Variants in TAF1B observed in about 807,000 individuals in gnomAD.
The protein encoded by TAF1B is TATA box-binding protein-associated factor RNA polymerase I subunit B.
Under a neutral mutation model 83.9 loss-of-function variants are expected in TAF1B, and 61 were observed. The ratio of observed to expected loss-of-function variants is 0.73; its 90% CI spans 0.59 to 0.90. The LOEUF is 0.90. Among genes scored for constraint, TAF1B ranks in the 40% least tolerant of loss-of-function variants. The probability of loss-of-function intolerance (pLI) is 0.00; values close to 1 mark genes in which losing one functional copy is unlikely to be tolerated. For missense variants in TAF1B, 625 were observed against 677.0 expected, an observed-to-expected ratio of 0.92 and a Z score of 0.85; for synonymous variants, 221 against 224.6, an observed-to-expected ratio of 0.98 and a Z score of 0.14.
chr2:9,911,056 C>T, intron 10 of TAF1B, 143 bp downstream of exon 10: 1 of 674,338 alleles, frequency 1.5e-6, no homozygotes, highest in East Asian at 2.9e-5. Context: ...TATATGTTAT[C>T]TCAAAAAATG....
At chr2:9,927,205 CT>C (rs1412411488) in intron 14 of TAF1B, among the ~76,000 whole-genome samples, 5 of 152,100 alleles carry the variant, frequency 3.3e-5, no homozygotes, top group Admixed American at 2.6e-4. Flanking sequence ...TGAACTCATC[CT>C]TTTTTATAGC....
chr2:9,932,838 C>T (rs1410955736), intron 14 of TAF1B, among the ~76,000 whole-genome samples: 1 of 152,076 alleles, frequency 6.6e-6, no homozygotes, highest in East Asian at 1.9e-4. Flanking sequence ...CCGGTTTGAG[C>T]TTCCTGACCG....
chr2:9,904,935 A>T lies in TAF1B; in HGVS notation c.884A>T (p.Asp295Val), dbSNP rs1268759925. 6.2e-7 allele frequency: 1 copy of T among 1,612,472 alleles called. No homozygotes were observed. Among genetic ancestry groups the T allele is most frequent in the Non-Finnish European group, 8.5e-7 (1 of 1,178,620 alleles). ...TTTTTAGATTTGCCTCGTTTTCCAG[A>T]CATAACTGAAGACTGCTATCTTCAT... The part of the protein sequence containing the change: ...GTFLDLPRFP[D>V]ITEDCYLHPN... The change falls in exon 9 of 15, where the codon GAC becomes GTC. Residue 295 changes from aspartate (D) to valine (V), a missense_variant. Transcript: ENST00000263663.
At chr2:9,875,714 A>C in intron 6 of TAF1B, 151 bp from the exon 7 acceptor site, 1 of 753,638 alleles carries the variant, frequency 1.3e-6, no homozygotes, top group Non-Finnish European at 2.0e-6. Context: ...ACACGTGGGA[A>C]TTATGAGAAC....
intron 8 of TAF1B, among the ~76,000 whole-genome samples, chr2:9,888,964 C>T (rs1309532304): frequency 2.2e-5 from 3 of 133,922 alleles, no homozygotes; most frequent in Admixed American, 1.5e-4. Context: ...CCACCACACC[C>T]GGCTAATTTG....
chr2:9,854,918 G>A (rs1013832835), intron 5 of TAF1B, among the ~76,000 whole-genome samples: 7 of 152,222 alleles, frequency 4.6e-5, no homozygotes, highest in African/African-American at 1.7e-4. Context: ...TTATAAATGT[G>A]CCATGTAACA....
chr2:9,919,569 T>C (rs1665803531), intron 13 of TAF1B, 29 bp from the exon 14 acceptor site: 2 of 1,573,768 alleles, frequency 1.3e-6, no homozygotes, highest in Non-Finnish European at 1.7e-6. Context: ...TTACTTGTTA[T>C]TTTGTTTCCT....
Position 9,852,658 on chromosome 2 carries a change from A to G in TAF1B, c.303+1020A>G, listed in dbSNP as rs560897868. Among the ~76,000 whole-genome samples the G allele has an allele frequency of 3.3e-5, 5 of 152,048 alleles. No individual in the cohort carries two copies. In the South Asian group the frequency reaches 1.0e-3, roughly 32 times the overall value. ...AGGCACACACTGCTATACCCAGCTA[A>G]TTTTTTCTATTTTAGTATAGATGGG... On this transcript the variant is annotated intron_variant, in intron 4 of 14. Transcript: ENST00000263663.
chr2:9,849,623 A>G (rs1372445634), intron 3 of TAF1B, among the ~76,000 whole-genome samples, 163 bp downstream of exon 3: 1 of 152,164 alleles, frequency 6.6e-6, no homozygotes, highest in Non-Finnish European at 1.5e-5. Flanking sequence ...TTGTGGGTGA[A>G]TATTATTTCT....
chr2:9,850,025 A>ATG lies in TAF1B; in HGVS notation c.205+566_205+567insGT, dbSNP rs1214773230. Among the ~76,000 whole-genome samples, 226 of 119,064 alleles carry ATG rather than the reference A, an allele frequency of 1.9e-3. 2 individuals carry two copies. Among genetic ancestry groups the ATG allele is most frequent in the African/African-American group, 6.4e-3 (186 of 29,138 alleles). The allele number at this position is 119,064 out of a possible 152,430, so 78.1% of individuals were successfully genotyped here. A position where few individuals can be genotyped will look rare whatever the true frequency, so the allele number is the denominator to read the frequency against. ...CACACACATTAAAAAATATATATAT[A>ATG]TATGTGTGTGTGTGTGTGTGTGTGT... is the stretch of plus-strand genomic sequence containing the variant. On this transcript the variant is annotated intron_variant, in intron 3 of 14. Coordinates refer to ENST00000263663, the MANE Select transcript of TAF1B (RefSeq NM_005680.3).
At chr2:9,868,222 T>C in intron 5 of TAF1B, 54 bp from the exon 6 acceptor site, 1 of 1,450,190 alleles carries the variant, frequency 6.9e-7, no homozygotes, top group Non-Finnish European at 9.5e-7. Flanking sequence ...TTCACAGAAA[T>C]TAACTGTTTA....
In TAF1B at chr2:9,845,233, A is replaced by G; in HGVS notation, c.32A>G (p.Glu11Gly). 6.2e-7 allele frequency: 1 copy of G among 1,613,714 alleles called. No individual in the cohort carries two copies. Among genetic ancestry groups the G allele is most frequent in the South Asian group, 1.1e-5 (1 of 91,050 alleles). ...CTTCTCCCATAGGAAGAGTTTAAAG[A>G]ACGCTGTACTCAGTGTGCTGCTGTC... MDLEEAEEFKERCTQCAAVSW... is the reference protein window; with the variant it reads MDLEEAEEFKGRCTQCAAVSW... The change falls in exon 2 of 15, where the codon GAA becomes GGA. Residue 11 changes from glutamate (E) to glycine (G), a missense_variant. By Grantham distance (98) the Glu-to-Gly change is moderately conservative (BLOSUM62 -2). Coordinates refer to ENST00000263663, the MANE Select transcript of TAF1B (RefSeq NM_005680.3).
chr2:9,895,505 GA>G (rs35432881), intron 8 of TAF1B, among the ~76,000 whole-genome samples: 93,166 of 149,784 alleles, frequency 0.62, 28,827 homozygotes, highest in Admixed American at 0.7. Flanking sequence ...TGTCTCAAAA[GA>G]AAAAAAAAAA....
At chr2:9,862,949 A>T (rs1663828391) in intron 5 of TAF1B, among the ~76,000 whole-genome samples, 1 of 152,218 alleles carries the variant, frequency 6.6e-6, no homozygotes, top group South Asian at 2.1e-4. Flanking sequence ...AGGAAGCACT[A>T]AACATGGAAA....
chr2:9,875,483 G>A (rs1446573478), intron 6 of TAF1B, among the ~76,000 whole-genome samples: 1 of 152,172 alleles, frequency 6.6e-6, no homozygotes, highest in Non-Finnish European at 1.5e-5. Context: ...GAGGTTTAAT[G>A]GACTCACAGT....
intron 8 of TAF1B, among the ~76,000 whole-genome samples, chr2:9,904,416 G>C (rs116413277): frequency 8.5e-4 from 129 of 152,268 alleles, no homozygotes; most frequent in Non-Finnish European, 1.4e-3. Flanking sequence ...CTCCATCCCT[G>C]TCACTGCAAA....
chr2:9,912,181 C>T (rs1003425614), intron 11 of TAF1B, among the ~76,000 whole-genome samples: 2 of 152,054 alleles, frequency 1.3e-5, no homozygotes, highest in Non-Finnish European at 2.9e-5. Flanking sequence ...GAGTATCTGG[C>T]ATCTAATAAG....
At position 9,845,088 on chromosome 2, in the gene TAF1B, CAT is replaced by C. The variant is rs1663160905; in HGVS notation, c.19-129_19-128del. 2.0e-5 allele frequency: 11 copies of C among 539,886 alleles called. 1 individual carries two copies. In the South Asian group the frequency reaches 3.2e-4, roughly 15 times the overall value. The allele number at this position is 539,886 out of a possible 1,614,324, so 33.4% of individuals were successfully genotyped here. On this transcript the variant is annotated intron_variant, in intron 1 of 14. Coordinates refer to ENST00000263663, the MANE Select transcript of TAF1B (RefSeq NM_005680.3). Reference sequence around the variant, plus strand: ...CCTTGTTTGCGGATAATCTCTCTGACATATTTTTTATTGTCTATGATTTTTTA... The same window carrying C: ...CCTTGTTTGCGGATAATCTCTCTGACATTTTTTATTGTCTATGATTTTTTA...
intron 8 of TAF1B, among the ~76,000 whole-genome samples, chr2:9,896,431 C>T (rs2280151): frequency 0.18 from 27,361 of 151,964 alleles, 3,126 homozygotes; most frequent in East Asian, 0.31. Flanking sequence ...TAGCTTTCTC[C>T]GCTAAGTCTT....
Sources: allele counts gnomAD v4.1 joint callset (sites outside exome capture counted in the v4.1 genomes callset), GRCh38; gene constraint gnomAD v4.1.1; transcripts MANE v1.5; gene names NCBI Gene and HGNC (gene_info 2026-07-23, HGNC 2026-07-21).